Variants in WDFY3 observed in about 807,000 individuals in gnomAD.
WDFY3 encodes the protein WD repeat and FYVE domain-containing protein 3.
WDFY3 carries 66 observed loss-of-function variants against 409.6 expected under a neutral mutation model. The ratio of observed to expected loss-of-function variants is 0.16; its 90% CI spans 0.13 to 0.20. The LOEUF is 0.20. WDFY3 is among the 10% of genes least tolerant of loss of function. The pLI is 1.00. For missense variants in WDFY3, 3,031 were observed against 4,298.1 expected (o/e 0.71, Z 8.24); for synonymous variants, 1,521 against 1,537.1 (o/e 0.99, Z 0.25).
chr4:84,829,850 T>TAAATAAA (rs1553975927), intron 8 of WDFY3, among the ~76,000 whole-genome samples: 4 of 150,296 alleles, frequency 2.7e-5, no homozygotes, highest in Non-Finnish European at 4.4e-5. Flanking sequence ...AATAAATAAA[T>TAAATAAA]TAGAGAGACT....
rs561919899 is a variant in WDFY3 at position 84,733,562 on chromosome 4, G to T, written c.7041C>A (p.Ile2347=). The change falls in exon 44 of 68, where the codon ATC becomes ATA. Residue 2347 remains isoleucine, a synonymous_variant. Coordinates refer to ENST00000295888, the MANE Select transcript of WDFY3 (RefSeq NM_014991.6). ...LKYVTEEWCQ[I]ECELLRERGL... Reference sequence around the variant, plus strand: ...CCCGCTCCCTCAACAGCTCGCACTCGATCTGACACCACTCTTCTGTCACGT... The same window carrying T: ...CCCGCTCCCTCAACAGCTCGCACTCTATCTGACACCACTCTTCTGTCACGT... The T allele has an allele frequency of 1.4e-4, 223 of 1,614,008 alleles. 1 individual carries two copies. The South Asian group carries it at 2.3e-3, about 17-fold the overall frequency.
At chr4:84,798,429 A>T (rs542311237) in intron 17 of WDFY3, among the ~76,000 whole-genome samples, 2 of 152,216 alleles carry the variant, frequency 1.3e-5, no homozygotes, top group South Asian at 4.1e-4. Flanking sequence ...GTATAGTAAA[A>T]CATACACAGT....
chr4:84,851,545 C>A (rs1759006395), intron 4 of WDFY3, among the ~76,000 whole-genome samples: 1 of 151,992 alleles, frequency 6.6e-6, no homozygotes, highest in Non-Finnish European at 1.5e-5. Flanking sequence ...ACAAAACAAA[C>A]AAGCAAATAA....
intron 30 of WDFY3, among the ~76,000 whole-genome samples, chr4:84,771,443 A>AT (rs1170862324): frequency 1.2e-4 from 18 of 152,250 alleles, no homozygotes; most frequent in Admixed American, 5.9e-4. Context: ...CAGCCCACAT[A>AT]TTTTTTATAC....
rs1159235394 is a variant in WDFY3 at position 84,691,718 on chromosome 4, C to T, written c.9117G>A (p.Lys3039=). Residue 3039 remains lysine, a synonymous_variant, in exon 60 of 68, where the codon AAG becomes AAA. Coordinates refer to ENST00000295888, the MANE Select transcript of WDFY3 (RefSeq NM_014991.6). ...TATTCCAGGTTGGTGGGATAAGAAC[C>T]TTATTCTGTTCCACCGCAAGAATAC... is the stretch of plus-strand genomic sequence containing the variant. ...DKGILAVEQN[K]VLIPPTWNKT... 3 of 1,614,050 alleles carry T rather than the reference C, an allele frequency of 1.9e-6. No homozygotes were observed. Among genetic ancestry groups the T allele is most frequent in the African/African-American group, 2.7e-5 (2 of 75,022 alleles).
At chr4:84,813,640 C>T (rs1038905820) in intron 13 of WDFY3, among the ~76,000 whole-genome samples, 1 of 152,050 alleles carries the variant, frequency 6.6e-6, no homozygotes, top group African/African-American at 2.4e-5. Flanking sequence ...CCTCTTCCAG[C>T]CTGAGAATCA....
Position 84,705,379 on chromosome 4 carries a change from G to T in WDFY3, c.8335+15C>A. 6.2e-7 allele frequency: 1 copy of T among 1,605,556 alleles called. No individual in the cohort carries two copies. Among genetic ancestry groups the T allele is most frequent in the African/African-American group, 1.3e-5 (1 of 74,828 alleles). The stretch of plus-strand genomic sequence containing the variant: ...AACTTGGGTACAAAGTCCAATGACA[G>T]AAAAAGTTCCTTACCATTAGGATCC... On this transcript the variant is annotated intron_variant, in intron 54 of 67. Transcript: ENST00000295888.
At chr4:84,674,531 C>T (rs556480227) in intron 67 of WDFY3, among the ~76,000 whole-genome samples, 28 of 152,100 alleles carry the variant, frequency 1.8e-4, no homozygotes, top group Middle Eastern at 3.4e-3. Context: ...GATCGTGCCA[C>T]TGTACTCCAG....
intron 32 of WDFY3, among the ~76,000 whole-genome samples, chr4:84,759,125 G>A (rs963134690): frequency 3.3e-5 from 5 of 152,020 alleles, no homozygotes; most frequent in Admixed American, 6.6e-5. Flanking sequence ...GATATGCGGC[G>A]TTATTTCTGA....
intron 45 of WDFY3, among the ~76,000 whole-genome samples, chr4:84,726,338 A>C (rs893706331): frequency 6.6e-6 from 1 of 152,188 alleles, no homozygotes; most frequent in African/African-American, 2.4e-5. Flanking sequence ...TCTTTCTGGA[A>C]TACAAAAACG....
intron 3 of WDFY3, among the ~76,000 whole-genome samples, chr4:84,888,089 G>C (rs1451086521): frequency 6.6e-6 from 1 of 152,118 alleles, no homozygotes; most frequent in African/African-American, 2.4e-5. Context: ...TTACATACAT[G>C]TAACTACATT....
intron 2 of WDFY3, among the ~76,000 whole-genome samples, chr4:84,915,840 T>C (rs2150794292): frequency 6.6e-6 from 1 of 152,300 alleles, no homozygotes; most frequent in East Asian, 1.9e-4. Flanking sequence ...TATACACACA[T>C]ACCTCTGGCT....
At chr4:84,704,713 G>T (rs1345026079) in intron 54 of WDFY3, among the ~76,000 whole-genome samples, 3 of 152,128 alleles carry the variant, frequency 2.0e-5, no homozygotes, top group Non-Finnish European at 4.4e-5. Flanking sequence ...TACTATAATA[G>T]TTAACCCTTA....
chr4:84,777,462 G>C (rs931853197), intron 27 of WDFY3, among the ~76,000 whole-genome samples: 6 of 152,054 alleles, frequency 3.9e-5, no homozygotes, highest in African/African-American at 1.2e-4. Context: ...CTGAAAGCTA[G>C]CAAAAGAAGT....
At chr4:84,869,323 A>G (rs896828473) in intron 3 of WDFY3, among the ~76,000 whole-genome samples, 25 of 152,208 alleles carry the variant, frequency 1.6e-4, no homozygotes, top group African/African-American at 5.3e-4. Flanking sequence ...CAATTGTTCA[A>G]TAGAGGTGAG....
chr4:84,804,472 T>C (rs1414408979), intron 15 of WDFY3, among the ~76,000 whole-genome samples: 1 of 152,318 alleles, frequency 6.6e-6, no homozygotes, highest in East Asian at 1.9e-4. Flanking sequence ...ACAGGGATTC[T>C]AGGAAAATGT....
At chr4:84,900,234 T>C (rs78312291) in intron 2 of WDFY3, among the ~76,000 whole-genome samples, 1 of 150,196 alleles carries the variant, frequency 6.7e-6, no homozygotes, top group African/African-American at 2.5e-5. Flanking sequence ...AGTAAAATAA[T>C]TTTTTTTTTG....
At chr4:84,911,971 G>A (rs918339320) in intron 2 of WDFY3, among the ~76,000 whole-genome samples, 4 of 152,128 alleles carry the variant, frequency 2.6e-5, no homozygotes, top group South Asian at 2.1e-4. Flanking sequence ...ATCTCTTGTC[G>A]CTATAGTGGT....
intron 39 of WDFY3, chr4:84,739,351 T>C (rs2149215449): frequency 2.3e-6 from 1 of 434,684 alleles, no homozygotes; most frequent in Non-Finnish European, 4.1e-6. Context: ...ATTACCTTAA[T>C]ATTTAACATG....
Sources: gnomAD v4.1 joint callset for allele counts (sites outside exome capture counted in the v4.1 genomes callset) on GRCh38, gnomAD v4.1.1 for gene constraint, MANE v1.5 for transcripts, NCBI Gene and HGNC (gene_info 2026-07-23, HGNC 2026-07-21) for gene names.